The following MTMR4 variants were observed in gnomAD, a reference collection of about 807,000 sequenced individuals.
The protein encoded by MTMR4 is phosphatidylinositol-3,5-bisphosphate 3-phosphatase MTMR4.
In MTMR4, 30 loss-of-function variants were observed where a neutral mutation model predicts 125.5. The observed-to-expected ratio is 0.24, with a 90% confidence interval of 0.18 to 0.32. MTMR4 has a LOEUF of 0.32. Ranked by LOEUF, MTMR4 falls within the 10% of genes least tolerant of loss-of-function variation. MTMR4 has a pLI of 1.00. For missense variants in MTMR4, 1,039 were observed against 1,511.5 expected, an observed-to-expected ratio of 0.69 and a Z score of 5.18; for synonymous variants, 498 against 564.5, an observed-to-expected ratio of 0.88 and a Z score of 1.67.
rs1416224402 is a variant in MTMR4, at chr17:58,496,115, G to A, written c.2069C>T (p.Pro690Leu). Residue 690 changes from proline (P) to leucine (L), a missense_variant, in exon 15 of 18, where the codon CCT (proline) becomes CTT (leucine). This residue lies in a region of MTMR4 where 619 missense variants were observed against 714.5 expected (regional missense o/e 0.87). Coordinates refer to ENST00000682306, the MANE Select transcript of MTMR4 (RefSeq NM_001378067.1). Reference protein sequence around the residue: ...PQQTVGEVGLPPPLPSSQKDY... With the variant: ...PQQTVGEVGLLPPLPSSQKDY... ...TTTCTGGCTGCTGGGCAGAGGAGGA[G>A]GAAGACCCACTTCTCCTACAGTTTG... 1.9e-6 allele frequency: 3 copies of A among 1,614,178 alleles called. No individual in the cohort carries two copies. The highest frequency in any genetic ancestry group is 1.1e-5 in the South Asian group (1 of 91,084).
chr17:58,509,970 AC>A (rs1318027952), intron 4 of MTMR4, among the ~76,000 whole-genome samples: 1 of 151,998 alleles, frequency 6.6e-6, no homozygotes, highest in Non-Finnish European at 1.5e-5. Context: ...TTCAAAATAC[AC>A]CCAGAATCTG....
chr17:58,513,436 A>G (rs1346299112), intron 1 of MTMR4, among the ~76,000 whole-genome samples: 1 of 152,084 alleles, frequency 6.6e-6, no homozygotes, highest in Non-Finnish European at 1.5e-5. Flanking sequence ...GGGGGGATTC[A>G]GTCCCACGCC....
chr17:58,499,627 G>GTTTTTTT (rs1336648859), intron 14 of MTMR4, among the ~76,000 whole-genome samples: 1 of 143,026 alleles, frequency 7.0e-6, no homozygotes, highest in Admixed American at 7.1e-5. Flanking sequence ...CATTTGTCCA[G>GTTTTTTT]TTTTTTTTTT....
At chr17:58,497,575 A>G (rs983844917) in intron 14 of MTMR4, among the ~76,000 whole-genome samples, 5 of 152,234 alleles carry the variant, frequency 3.3e-5, no homozygotes, top group Non-Finnish European at 5.9e-5. Context: ...CCTATAACAC[A>G]TTATTGCACT....
At position 58,503,773 on chromosome 17, in the gene MTMR4, G is replaced by C; in HGVS notation, c.1824C>G (p.Ser608Arg). 6.2e-7 allele frequency: 1 copy of C among 1,614,132 alleles called. No individual in the cohort carries two copies. ...CCAGAGAGCGGCCAGAGAACTCCTGGCTCTGGGCCACTGGGGAAAGGTAAA... is the reference window on the plus strand; with the variant it reads ...CCAGAGAGCGGCCAGAGAACTCCTGCCTCTGGGCCACTGGGGAAAGGTAAA... ...MDLYLSPVAQSQEFSGRSLDR... is the reference protein window; with the variant it reads ...MDLYLSPVAQRQEFSGRSLDR... Residue 608 changes from serine (S) to arginine (R), a missense_variant, in exon 14 of 18, where the codon AGC (serine) becomes AGG (arginine). Around this residue, in one of 6 missense-constraint regions of MTMR4, gnomAD observed 619 missense variants for 714.5 expected, o/e 0.87. Coordinates refer to ENST00000682306, the MANE Select transcript of MTMR4 (RefSeq NM_001378067.1).
At chr17:58,507,974 T>C (rs1004252066) in intron 7 of MTMR4, 187 bp downstream of exon 7, 35 of 535,264 alleles carry the variant, frequency 6.5e-5, no homozygotes, top group Non-Finnish European at 1.0e-4. Flanking sequence ...AGGGGGGGAA[T>C]GAATAAACTC....
At position 58,507,111 on chromosome 17, in the gene MTMR4, T is replaced by A; in HGVS notation, c.904+12A>T. The A allele has an allele frequency of 1.9e-6, 3 of 1,614,044 alleles. No individual in the cohort carries two copies. Among genetic ancestry groups the A allele is most frequent in the Middle Eastern group, 1.7e-4 (1 of 6,058 alleles). On this transcript the variant is annotated intron_variant, in intron 8 of 17. Coordinates refer to ENST00000682306, the MANE Select transcript of MTMR4 (RefSeq NM_001378067.1). The stretch of plus-strand genomic sequence containing the variant: ...CCTGCTCCCTGGGGGGTTAGCATCA[T>A]CCACACCTTACCAAAGTCAGCATCA...
chr17:58,514,410 T>C lies in MTMR4; in HGVS notation c.-3A>G. 1.0e-6 allele frequency: 1 copy of C among 986,266 alleles called. No individual in the cohort carries two copies. Among genetic ancestry groups the C allele is most frequent in the Non-Finnish European group, 1.2e-6 (1 of 830,142 alleles). The allele number at this position is 986,266 out of a possible 1,614,324, so 61.1% of individuals were successfully genotyped here. A position where few individuals can be genotyped will look rare whatever the true frequency, so the allele number is the denominator to read the frequency against. ...GAGACGCGGGCGGTCAGGCTCATGG[T>C]CGCGGGCGGTCTGGGCCAGCGCACA... On this transcript the variant is annotated 5_prime_UTR_variant, in exon 1 of 18. Transcript: ENST00000682306.
In MTMR4 at chr17:58,490,656, A is replaced by G. The variant is rs1278928046; in HGVS notation, c.*1007T>C. 1.3e-5 allele frequency: 2 copies of G among 152,662 alleles called. No homozygotes were observed. The highest frequency in any genetic ancestry group is 2.9e-5 in the Non-Finnish European group (2 of 68,038). 9.5% of individuals were successfully genotyped at this position (152,662 alleles called of 1,614,324 possible). A position where few individuals can be genotyped will look rare whatever the true frequency, so the allele number is the denominator to read the frequency against. ...CCTCAAGGTGTCAAGTGTTCAGGATAAGAAGCAATGTGACCCAGAGGAGGC... is the reference window on the plus strand; with the variant it reads ...CCTCAAGGTGTCAAGTGTTCAGGATGAGAAGCAATGTGACCCAGAGGAGGC... On this transcript the variant is annotated 3_prime_UTR_variant, in exon 18 of 18. Transcript: ENST00000682306.
Position 58,514,543 on chromosome 17 carries a change from G to T in MTMR4, c.-136C>A. The T allele has an allele frequency of 9.1e-6, 9 of 985,140 alleles. No homozygotes were observed. Among genetic ancestry groups the T allele is most frequent in the Non-Finnish European group, 1.1e-5 (9 of 829,866 alleles). 61.0% of individuals were successfully genotyped at this position (985,140 alleles called of 1,614,324 possible). ...CGGCCAAGAGGCTAGGGCGCTGGTG[G>T]CCGGGCCTCCGCGCGGCTCCCGCGC... is the stretch of plus-strand genomic sequence containing the variant. On this transcript the variant is annotated 5_prime_UTR_variant, in exon 1 of 18. Transcript: ENST00000682306.
At chr17:58,500,130 C>A (rs1161582053) in intron 14 of MTMR4, among the ~76,000 whole-genome samples, 4 of 152,080 alleles carry the variant, frequency 2.6e-5, no homozygotes, top group Admixed American at 2.6e-4. Flanking sequence ...TTGAACTACA[C>A]ACATTTGTTT....
Position 58,508,980 on chromosome 17 carries a change from G to C in MTMR4, c.336-139C>G. 1 of 900,334 alleles carries C rather than the reference G, an allele frequency of 1.1e-6. No individual in the cohort carries two copies. Among genetic ancestry groups the C allele is most frequent in the Non-Finnish European group, 1.7e-6 (1 of 602,500 alleles). 55.8% of individuals were successfully genotyped at this position (900,334 alleles called of 1,614,324 possible). On this transcript the variant is annotated intron_variant, in intron 4 of 17. Transcript: ENST00000682306. This position sits in a 1 kb window ranked among gnomAD's most constrained non-coding sequence, Gnocchi z 4.8. Reference sequence around the variant, plus strand: ...AAGAGGTAAAGCAGTGGGGACCCAGGGTGGGGGGACGAGGGACACTGGCCA... The same window carrying C: ...AAGAGGTAAAGCAGTGGGGACCCAGCGTGGGGGGACGAGGGACACTGGCCA...
rs1339740696 is a variant in MTMR4 at position 58,512,278 on chromosome 17, G to A, written c.252+112C>T. The A allele has an allele frequency of 2.5e-5, 23 of 924,154 alleles. 1 individual carries two copies. Among genetic ancestry groups the A allele is most frequent in the Admixed American group, 3.6e-5 (2 of 55,212 alleles). The allele number at this position is 924,154 out of a possible 1,614,324, so 57.2% of individuals were successfully genotyped here. On this transcript the variant is annotated intron_variant, in intron 3 of 17. Transcript: ENST00000682306. The surrounding 1 kb of genome is among the most constrained non-coding windows in gnomAD (Gnocchi z 4.1). ...TGGGATTACAGGCGTGAGCCACTGC[G>A]CCCGGCCTCCAACTTTTTTAATGAC...
chr17:58,514,408 G>A lies in MTMR4; in HGVS notation c.-1C>T. 1.0e-6 allele frequency: 1 copy of A among 986,426 alleles called. No homozygotes were observed. The highest frequency in any genetic ancestry group is 4.6e-4 in the Middle Eastern group (1 of 2,156). The allele number at this position is 986,426 out of a possible 1,614,324, so 61.1% of individuals were successfully genotyped here. A position where few individuals can be genotyped will look rare whatever the true frequency, so the allele number is the denominator to read the frequency against. The stretch of plus-strand genomic sequence containing the variant: ...AGGAGACGCGGGCGGTCAGGCTCAT[G>A]GTCGCGGGCGGTCTGGGCCAGCGCA... On this transcript the variant is annotated 5_prime_UTR_variant, in exon 1 of 18. Coordinates refer to ENST00000682306, the MANE Select transcript of MTMR4 (RefSeq NM_001378067.1).
At chr17:58,514,306 A>G in intron 1 of MTMR4, 57 bp downstream of exon 1, 1 of 987,954 alleles carries the variant, frequency 1.0e-6, no homozygotes. Flanking sequence ...TCGAGGGCTG[A>G]CCCTGGGCGG....
chr17:58,503,131 C>T (rs992319474), intron 14 of MTMR4, among the ~76,000 whole-genome samples: 2 of 152,264 alleles, frequency 1.3e-5, no homozygotes. Context: ...TACCAGTGAA[C>T]AAAAATCAAG....
intron 4 of MTMR4, among the ~76,000 whole-genome samples, chr17:58,509,601 A>T (rs930390601): frequency 6.6e-6 from 1 of 151,362 alleles, no homozygotes; most frequent in African/African-American, 2.4e-5. Context: ...TAAATTCTTC[A>T]TAGAGACAGG....
At position 58,490,413 on chromosome 17, in the gene MTMR4, AAAAC is replaced by A. The variant is rs1254085738; in HGVS notation, c.*1246_*1249del. The A allele has an allele frequency of 2.0e-5, 3 of 152,668 alleles. No homozygotes were observed. Among genetic ancestry groups the A allele is most frequent in the Non-Finnish European group, 4.4e-5 (3 of 68,050 alleles). 9.5% of individuals were successfully genotyped at this position (152,668 alleles called of 1,614,324 possible). ...GTACATATTAAGATGAAAAAAAACA[AAAAC>A]AAAAACAAAAAAACAAAATAAAATT... On this transcript the variant is annotated 3_prime_UTR_variant, in exon 18 of 18. Transcript: ENST00000682306.
upstream of MTMR4, among the ~76,000 whole-genome samples, chr17:58,518,315 A>G (rs919133359): frequency 1.3e-5 from 2 of 152,170 alleles, no homozygotes; most frequent in African/African-American, 4.8e-5. Context: ...CCCAGGAGGT[A>G]CTTCTGAAAC....
Sources: gnomAD v4.1 joint callset for allele counts (sites outside exome capture counted in the v4.1 genomes callset) on GRCh38, gnomAD v4.1.1 for gene constraint, gnomAD v4.1.1 regional missense constraint, Gnocchi (gnomAD v3.1) non-coding constraint, MANE v1.5 for transcripts, NCBI Gene and HGNC (gene_info 2026-07-23, HGNC 2026-07-21) for gene names.